FNTB: variants seen among roughly 807,000 people sequenced by gnomAD.
FNTB encodes the protein farnesyltransferase, CAAX box, subunit beta.
A neutral mutation model predicts 59.4 loss-of-function variants in FNTB; 27 were observed. That is an observed-to-expected ratio of 0.45 (90% confidence interval 0.34 to 0.63). The LOEUF is 0.63. Ranked by LOEUF, FNTB falls within the 20% of genes least tolerant of loss-of-function variation. The pLI, the probability that FNTB is intolerant of heterozygous loss-of-function variation, is 0.02. For missense variants in FNTB, 449 were observed against 559.6 expected, an observed-to-expected ratio of 0.80 and a Z score of 1.99; for synonymous variants, 230 against 220.7, an observed-to-expected ratio of 1.04 and a Z score of -0.37.
intron 7 of FNTB, among the ~76,000 whole-genome samples, chr14:65,039,066 G>A (rs892908777): frequency 5.9e-5 from 9 of 152,144 alleles, no homozygotes; most frequent in Admixed American, 5.2e-4. Flanking sequence ...TAGAGACTGT[G>A]GTCAAATGTC....
At chr14:65,040,500 G>T (rs1461152830) in intron 7 of FNTB, among the ~76,000 whole-genome samples, 5 of 151,642 alleles carry the variant, frequency 3.3e-5, no homozygotes, top group Non-Finnish European at 7.4e-5. Context: ...GAGCACAATG[G>T]TGTGATCATA....
At chr14:65,060,434 C>G (rs2062835524) in intron 11 of FNTB, among the ~76,000 whole-genome samples, 2 of 134,316 alleles carry the variant, frequency 1.5e-5, no homozygotes, top group African/African-American at 7.4e-5. Flanking sequence ...ACTAAAAATA[C>G]AAAAATAATC....
intron 1 of FNTB, among the ~76,000 whole-genome samples, chr14:65,002,108 A>C (rs940496499): frequency 6.6e-6 from 1 of 152,198 alleles, no homozygotes; most frequent in African/African-American, 2.4e-5. Context: ...AAATGACTCA[A>C]TTTTGAAGTT....
intron 7 of FNTB, among the ~76,000 whole-genome samples, chr14:65,039,094 C>T (rs1174995074): frequency 6.6e-6 from 1 of 152,152 alleles, no homozygotes; most frequent in African/African-American, 2.4e-5. Flanking sequence ...CTACAGCTGT[C>T]TGTTCATATT....
intron 7 of FNTB, among the ~76,000 whole-genome samples, chr14:65,033,505 C>G (rs760049745): frequency 6.6e-6 from 1 of 152,128 alleles, no homozygotes; most frequent in Admixed American, 6.5e-5. Context: ...GTCTTAGATA[C>G]GTGTATGTTC....
At position 64,988,673 on chromosome 14, in the gene FNTB, C is replaced by T. The variant is rs930494749; in HGVS notation, c.144+1576C>T. ...TTTTGAACTCCTGACCTCCAGTGAT[C>T]TGCCCTCCTCGGCCTCCTAGAGTGC... On this transcript the variant is annotated intron_variant, in intron 1 of 11. Coordinates refer to ENST00000246166, the MANE Select transcript of FNTB (RefSeq NM_002028.4). Among the ~76,000 whole-genome samples, 92 of 152,146 alleles carry T rather than the reference C, an allele frequency of 6.0e-4. 1 individual carries two copies. The highest frequency in any genetic ancestry group is 2.2e-3 in the African/African-American group (91 of 41,404).
Position 65,032,577 on chromosome 14 carries a change from A to C in FNTB, c.606-33A>C, listed in dbSNP as rs746415071. 3.7e-6 allele frequency: 6 copies of C among 1,609,582 alleles called. No individual in the cohort carries two copies. In the East Asian group the frequency reaches 1.3e-4, roughly 36 times the overall value. On this transcript the variant is annotated intron_variant, in intron 6 of 11. Transcript: ENST00000246166. The surrounding 1 kb of genome is among the most constrained non-coding windows in gnomAD (Gnocchi z 5.0). ...CTGAGCCTCATTAGCTCTTCCGTAG[A>C]GCTTAATGTGTTTCCCGTTTCTGTC...
At chr14:64,993,054 C>T (rs945309515) in intron 1 of FNTB, among the ~76,000 whole-genome samples, 1 of 152,098 alleles carries the variant, frequency 6.6e-6, no homozygotes, top group African/African-American at 2.4e-5. Context: ...CCAGGCTGGT[C>T]CCGAACTCGA....
Position 65,061,228 on chromosome 14 carries a change from G to A in FNTB, c.1230G>A (p.Gln410=). Residue 410 remains glutamine (Q), a synonymous_variant, in exon 12 of 12, where the codon CAG becomes CAA. Coordinates refer to ENST00000246166, the MANE Select transcript of FNTB (RefSeq NM_002028.4). ...VYNIGPDKVI[Q]ATTYFLQKPV... is the part of the protein sequence containing the mutation. Reference sequence around the variant, plus strand: ...ACATTGGACCAGACAAGGTGATCCAGGCCACTACATACTTTCTACAGAAGC... The same window carrying A: ...ACATTGGACCAGACAAGGTGATCCAAGCCACTACATACTTTCTACAGAAGC... The A allele has an allele frequency of 6.2e-7, 1 of 1,614,160 alleles. No homozygotes were observed. The highest frequency in any genetic ancestry group is 1.1e-5 in the South Asian group (1 of 91,076).
intron 1 of FNTB, among the ~76,000 whole-genome samples, chr14:64,993,008 A>G (rs1242565181): frequency 6.6e-6 from 1 of 151,930 alleles, no homozygotes; most frequent in African/African-American, 2.4e-5. Context: ...GCTACTTTTT[A>G]TATTTTTTTG....
At chr14:65,035,667 C>A (rs117439576) in intron 7 of FNTB, among the ~76,000 whole-genome samples, 7 of 151,728 alleles carry the variant, frequency 4.6e-5, no homozygotes, top group Non-Finnish European at 8.8e-5. Context: ...GTAGCTGGGA[C>A]AACAAGCGCG....
At position 65,015,701 on chromosome 14, in the gene FNTB, A is replaced by G. The variant is rs1422160189; in HGVS notation, c.359A>G (p.Gln120Arg). Residue 120 changes from glutamine to arginine, a missense_variant, in exon 4 of 12, where the codon CAG (glutamine) becomes CGG (arginine). By Grantham distance (43) the Gln-to-Arg change is conservative. This residue lies in a region of FNTB where 337 missense variants were observed against 479.1 expected (regional missense o/e 0.70). Coordinates refer to ENST00000246166, the MANE Select transcript of FNTB (RefSeq NM_002028.4). ...SLELLDEPIP[Q>R]IVATDVCQFL... ...GAACTGCTAGATGAACCCATCCCCC[A>G]GATAGTGGCTACAGAGTGAGTCTGT... is the stretch of plus-strand genomic sequence containing the variant. The G allele has an allele frequency of 1.9e-6, 3 of 1,613,980 alleles. No homozygotes were observed. In the African/African-American group the frequency reaches 4.0e-5, roughly 22 times the overall value.
intron 2 of FNTB, among the ~76,000 whole-genome samples, chr14:65,004,663 T>C (rs1184821419): frequency 6.6e-6 from 1 of 152,024 alleles, no homozygotes. Context: ...TTTTTCTTTC[T>C]TTTTCTTTTT....
chr14:65,004,823 C>T lies in FNTB; in HGVS notation c.209+510C>T, dbSNP rs144176074. ...GATTACAGGCACCCACCACCACACT[C>T]GGCTAATTTTTGTATTTTTAGTAGA... On this transcript the variant is annotated intron_variant, in intron 2 of 11. Transcript: ENST00000246166. Among the ~76,000 whole-genome samples, 356 of 152,170 alleles carry T rather than the reference C, an allele frequency of 2.3e-3. 2 individuals are homozygous for T. Among genetic ancestry groups the T allele is most frequent in the African/African-American group, 8.2e-3 (339 of 41,522 alleles).
chr14:65,012,584 A>G lies in FNTB; in HGVS notation c.282+195A>G, dbSNP rs750431113. 2.6e-5 allele frequency among the ~76,000 whole-genome samples: 4 copies of G among 152,252 alleles called. No homozygotes were observed. The highest frequency in any genetic ancestry group is 5.9e-5 in the Non-Finnish European group (4 of 68,042). ...GAAAGGGCAGAACCTAGTCTCTTCC[A>G]GAGTGAGTGGAGCACCCTAGATAGG... On this transcript the variant is annotated intron_variant, in intron 3 of 11. Transcript: ENST00000246166. The surrounding 1 kb of genome is among the most constrained non-coding windows in gnomAD (Gnocchi z 5.0).
At chr14:65,046,470 G>C (rs574611952) in intron 9 of FNTB, among the ~76,000 whole-genome samples, 1 of 152,216 alleles carries the variant, frequency 6.6e-6, no homozygotes, top group Non-Finnish European at 1.5e-5. Flanking sequence ...AGTCTTCCAG[G>C]GGGGCTGCTG....
intron 9 of FNTB, among the ~76,000 whole-genome samples, chr14:65,051,663 C>G (rs2062614267): frequency 1.3e-5 from 2 of 151,916 alleles, no homozygotes; most frequent in Admixed American, 1.3e-4. Flanking sequence ...TTGCTTCAAT[C>G]TCTTTATAGA....
At chr14:65,058,136 C>T (rs1359565486) in intron 11 of FNTB, among the ~76,000 whole-genome samples, 1 of 151,776 alleles carries the variant, frequency 6.6e-6, no homozygotes, top group African/African-American at 2.4e-5. Flanking sequence ...CCTGTCTTCC[C>T]AGGAGTACAA....
intron 4 of FNTB, chr14:65,022,205 T>C (rs2061901574): frequency 2.6e-6 from 1 of 386,212 alleles, no homozygotes. Context: ...AGCTCATGCA[T>C]CTTGCATTTA....
Sources: allele counts gnomAD v4.1 joint callset (sites outside exome capture counted in the v4.1 genomes callset), GRCh38; gene constraint gnomAD v4.1.1; regional missense constraint gnomAD v4.1.1; non-coding constraint Gnocchi (gnomAD v3.1); transcripts MANE v1.5; gene names NCBI Gene and HGNC (gene_info 2026-07-23, HGNC 2026-07-21).